ATRNL1: variants seen among roughly 807,000 people sequenced by gnomAD.
The protein encoded by ATRNL1 is attractin like 1.
ATRNL1 carries 95 observed loss-of-function variants against 182.7 expected under a neutral mutation model. The ratio of observed to expected loss-of-function variants is 0.52; its 90% CI spans 0.44 to 0.62. The LOEUF (loss-of-function observed/expected upper bound fraction) is 0.62, where lower values mean the gene tolerates loss of function less well. Among genes scored for constraint, ATRNL1 ranks in the 20% least tolerant of loss-of-function variants. The probability of loss-of-function intolerance (pLI) is 0.00; values close to 1 mark genes in which losing one functional copy is unlikely to be tolerated. For missense variants in ATRNL1, 1,471 were observed against 1,679.5 expected, an observed-to-expected ratio of 0.88 and a Z score of 2.17; for synonymous variants, 576 against 568.3, an observed-to-expected ratio of 1.01 and a Z score of -0.19.
chr10:115,385,773 C>T (rs1249680777), intron 19 of ATRNL1, among the ~76,000 whole-genome samples: 1 of 152,014 alleles, frequency 6.6e-6, no homozygotes, highest in African/African-American at 2.4e-5. Flanking sequence ...CCTTTTTTCT[C>T]TTCCAGATGT....
chr10:115,590,024 C>T (rs1235043498), intron 26 of ATRNL1, among the ~76,000 whole-genome samples: 1 of 152,132 alleles, frequency 6.6e-6, no homozygotes, highest in African/African-American at 2.4e-5. Flanking sequence ...GTCAGATTCA[C>T]AATGTAAAAT....
In ATRNL1 at chr10:115,817,767, GTT is replaced by G. The variant is rs35789775; in HGVS notation, c.3904-30099_3904-30098del. Among the ~76,000 whole-genome samples, 388 of 145,806 alleles carry G rather than the reference GTT, an allele frequency of 2.7e-3. 3 individuals are homozygous for G. Among genetic ancestry groups the G allele is most frequent in the East Asian group, 0.011 (54 of 5,016 alleles). ...ATGCTAACTGGCCCATAAAAAAGTA[GTT>G]TTTTTTTTTTGGTTTGTTTTTAATT... On this transcript the variant is annotated intron_variant, in intron 27 of 28. Coordinates refer to ENST00000355044, the MANE Select transcript of ATRNL1 (RefSeq NM_207303.4).
chr10:115,260,688 A>G (rs1035254466), intron 10 of ATRNL1, among the ~76,000 whole-genome samples: 2 of 152,200 alleles, frequency 1.3e-5, no homozygotes, highest in Non-Finnish European at 2.9e-5. Context: ...AAGATGTTAC[A>G]TTTGTGAAGC....
chr10:115,746,680 C>A (rs1444602336), intron 27 of ATRNL1, among the ~76,000 whole-genome samples: 1 of 151,872 alleles, frequency 6.6e-6, no homozygotes, highest in African/African-American at 2.4e-5. Flanking sequence ...ATTTTTCTCA[C>A]TGGGAAGCTC....
chr10:115,742,107 A>G (rs1263730060), intron 27 of ATRNL1, among the ~76,000 whole-genome samples: 1 of 152,222 alleles, frequency 6.6e-6, no homozygotes, highest in Non-Finnish European at 1.5e-5. Context: ...GGCAGAAGCC[A>G]GACCGCAAGA....
At position 115,235,021 on chromosome 10, in the gene ATRNL1, G is replaced by C. The variant is rs1252980357; in HGVS notation, c.1533-6550G>C. Reference sequence around the variant, plus strand: ...TTTTCCTGATCCAGGATTACATCCAGGAGCATGCAAACATTTAGTTGTCAT... The same window carrying C: ...TTTTCCTGATCCAGGATTACATCCACGAGCATGCAAACATTTAGTTGTCAT... On this transcript the variant is annotated intron_variant, in intron 9 of 28. Transcript: ENST00000355044. Among the ~76,000 whole-genome samples the C allele has an allele frequency of 2.0e-5, 3 of 152,082 alleles. No individual in the cohort carries two copies. The East Asian group carries it at 5.8e-4, about 29-fold the overall frequency.
intron 26 of ATRNL1, among the ~76,000 whole-genome samples, chr10:115,608,650 T>C (rs1856990693): frequency 6.6e-6 from 1 of 152,048 alleles, no homozygotes; most frequent in Admixed American, 6.6e-5. Context: ...AAATACATAA[T>C]ATATCAAGAA....
At chr10:115,618,477 A>C (rs1213855302) in intron 26 of ATRNL1, among the ~76,000 whole-genome samples, 7 of 152,088 alleles carry the variant, frequency 4.6e-5, no homozygotes, top group Admixed American at 4.6e-4. Context: ...TTATTTGCAT[A>C]ATGGTATTTC....
intron 18 of ATRNL1, among the ~76,000 whole-genome samples, chr10:115,333,636 C>T (rs1042227179): frequency 3.3e-5 from 5 of 151,900 alleles, no homozygotes; most frequent in African/African-American, 9.7e-5. Context: ...AGGCATGCAC[C>T]ACCATGCCCA....
At chr10:115,218,979 G>T (rs1348598357) in intron 9 of ATRNL1, among the ~76,000 whole-genome samples, 2 of 152,166 alleles carry the variant, frequency 1.3e-5, no homozygotes, top group African/African-American at 4.8e-5. Flanking sequence ...GCTCACGCCT[G>T]TAATCCCAAC....
At chr10:115,238,543 T>C (rs1320649844) in intron 9 of ATRNL1, among the ~76,000 whole-genome samples, 1 of 152,168 alleles carries the variant, frequency 6.6e-6, no homozygotes, top group East Asian at 1.9e-4. Flanking sequence ...TGTTCACTGC[T>C]GGTATATAAA....
chr10:115,219,727 AC>A (rs1226974670), intron 9 of ATRNL1, among the ~76,000 whole-genome samples: 1 of 151,928 alleles, frequency 6.6e-6, no homozygotes, highest in Non-Finnish European at 1.5e-5. Flanking sequence ...ACATGGTGAA[AC>A]CCCATCTCTA....
chr10:115,820,797 A>C (rs1468039158), intron 27 of ATRNL1, among the ~76,000 whole-genome samples: 1 of 152,044 alleles, frequency 6.6e-6, no homozygotes, highest in African/African-American at 2.4e-5. Flanking sequence ...TTGTGCCTCA[A>C]TTTCCTCATT....
chr10:115,151,042 G>T (rs1483460398), intron 5 of ATRNL1, among the ~76,000 whole-genome samples: 1 of 152,186 alleles, frequency 6.6e-6, no homozygotes, highest in Non-Finnish European at 1.5e-5. Context: ...CCCTACAAAG[G>T]ACATGAACTC....
chr10:115,276,167 G>C (rs1852095797), intron 13 of ATRNL1, among the ~76,000 whole-genome samples: 1 of 151,828 alleles, frequency 6.6e-6, no homozygotes, highest in Non-Finnish European at 1.5e-5. Context: ...TGGTAGAAGG[G>C]GAGCTCTTGT....
At chr10:115,519,739 A>C (rs1850823141) in intron 25 of ATRNL1, among the ~76,000 whole-genome samples, 1 of 152,208 alleles carries the variant, frequency 6.6e-6, no homozygotes, top group South Asian at 2.1e-4. Flanking sequence ...AAAGGGCTCC[A>C]CAGTGAAGCA....
At chr10:115,587,062 G>T (rs1325244631) in intron 26 of ATRNL1, among the ~76,000 whole-genome samples, 1 of 149,868 alleles carries the variant, frequency 6.7e-6, no homozygotes, top group Admixed American at 6.7e-5. Context: ...CAGTTAGGCT[G>T]CTCGGGGGTC....
intron 26 of ATRNL1, among the ~76,000 whole-genome samples, chr10:115,687,643 A>G (rs1946260966): frequency 1.3e-5 from 2 of 152,104 alleles, no homozygotes; most frequent in Admixed American, 6.6e-5. Context: ...GGATTGCTCC[A>G]TCAAATGATA....
intron 1 of ATRNL1, among the ~76,000 whole-genome samples, chr10:115,116,201 G>C (rs894788935): frequency 2.7e-4 from 41 of 152,104 alleles, no homozygotes; most frequent in South Asian, 4.1e-4. Context: ...ACACAAACAG[G>C]CTAGTAGTTT....
Sources: allele counts gnomAD v4.1 joint callset (sites outside exome capture counted in the v4.1 genomes callset), GRCh38; gene constraint gnomAD v4.1.1; transcripts MANE v1.5; gene names NCBI Gene and HGNC (gene_info 2026-07-23, HGNC 2026-07-21).